The following PIEZO2 variants were observed in gnomAD, a reference collection of about 807,000 sequenced individuals.
PIEZO2 encodes the protein piezo-type mechanosensitive ion channel component 2.
PIEZO2 carries 172 observed loss-of-function variants against 337.3 expected under a neutral mutation model. The observed-to-expected ratio is 0.51, with a 90% CI of 0.45 to 0.58. The LOEUF is 0.58. PIEZO2 is among the 20% of genes least tolerant of loss of function. PIEZO2 has a pLI of 0.00. For missense variants in PIEZO2, 3,028 were observed against 3,391.3 expected (o/e 0.89, Z 2.66); for synonymous variants, 1,251 against 1,228.5 (o/e 1.02, Z -0.38).
In PIEZO2 at chr18:10,676,254, A is replaced by T. The variant is rs186591410; in HGVS notation, c.8082-966T>A. 6.6e-6 allele frequency among the ~76,000 whole-genome samples: 1 copy of T among 152,176 alleles called. No individual in the cohort carries two copies. The highest frequency in any genetic ancestry group is 2.1e-4 in the South Asian group (1 of 4,828). ...CTTCAACTTTAGTGAGTCGCAAAACATATCTCAGTCTGGGAACATTTCTAA... is the reference window on the plus strand; with the variant it reads ...CTTCAACTTTAGTGAGTCGCAAAACTTATCTCAGTCTGGGAACATTTCTAA... On this transcript the variant is annotated intron_variant, in intron 53 of 55. Coordinates refer to ENST00000674853, the MANE Select transcript of PIEZO2 (RefSeq NM_001378183.1). The surrounding 1 kb of genome is among the most constrained non-coding windows in gnomAD (Gnocchi z 5.1).
At chr18:10,902,214 C>T (rs1052857563) in intron 4 of PIEZO2, among the ~76,000 whole-genome samples, 17 of 152,206 alleles carry the variant, frequency 1.1e-4, no homozygotes, top group African/African-American at 2.9e-4. Context: ...TACCCCCATC[C>T]GTGGAAAAAT....
In PIEZO2 at chr18:11,092,499, T is replaced by A. The variant is rs1245961347; in HGVS notation, c.65-26277A>T. Among the ~76,000 whole-genome samples the A allele has an allele frequency of 6.6e-6, 1 of 152,232 alleles. No homozygotes were observed. The highest frequency in any genetic ancestry group is 1.9e-4 in the East Asian group (1 of 5,200). On this transcript the variant is annotated intron_variant, in intron 1 of 55. Transcript: ENST00000674853. This position sits in a 1 kb window ranked among gnomAD's most constrained non-coding sequence, Gnocchi z 4.5. ...TTTAGAAACGATTTGTATTCCGTGGTTACAGATTTTAGTCTATATTTTCTA... is the reference window on the plus strand; with the variant it reads ...TTTAGAAACGATTTGTATTCCGTGGATACAGATTTTAGTCTATATTTTCTA...
chr18:11,001,473 CA>C lies in PIEZO2; in HGVS notation c.161-21814del, dbSNP rs370348399. On this transcript the variant is annotated intron_variant, in intron 2 of 55. Coordinates refer to ENST00000674853, the MANE Select transcript of PIEZO2 (RefSeq NM_001378183.1). This position sits in a 1 kb window ranked among gnomAD's most constrained non-coding sequence, Gnocchi z 5.3. ...TGCTAGAGATGACTTCACTGTCAGA[CA>C]GTGAAAATCACGACTGTGATTATCC... 9.9e-5 allele frequency among the ~76,000 whole-genome samples: 15 copies of C among 152,274 alleles called. No individual in the cohort carries two copies. The highest frequency in any genetic ancestry group is 2.1e-4 in the South Asian group (1 of 4,814).
At chr18:10,908,231 T>A (rs1025843530) in intron 4 of PIEZO2, 2 of 152,310 alleles carry the variant, frequency 1.3e-5, no homozygotes, top group African/African-American at 4.8e-5. Flanking sequence ...CTCTAGGTCT[T>A]CCTTTCAGTA....
At chr18:10,932,652 G>C (rs2032160246) in intron 3 of PIEZO2, among the ~76,000 whole-genome samples, 1 of 152,126 alleles carries the variant, frequency 6.6e-6, no homozygotes, top group African/African-American at 2.4e-5. Flanking sequence ...GCCAGGCGTG[G>C]TGGCTCAAGC....
At chr18:10,998,623 A>C (rs1406891406) in intron 2 of PIEZO2, among the ~76,000 whole-genome samples, 1 of 152,116 alleles carries the variant, frequency 6.6e-6, no homozygotes, top group East Asian at 1.9e-4. Context: ...TTATTTCCAA[A>C]AGTAACCCAG....
intron 2 of PIEZO2, among the ~76,000 whole-genome samples, chr18:11,042,262 C>T (rs1329747749): frequency 3.9e-5 from 6 of 152,188 alleles, no homozygotes; most frequent in Non-Finnish European, 8.8e-5. Context: ...CTCGTCCCCA[C>T]AGTCTCAGGA....
At chr18:10,886,388 A>G (rs371310703) in intron 4 of PIEZO2, among the ~76,000 whole-genome samples, 1 of 36,586 alleles carries the variant, frequency 2.7e-5, no homozygotes, top group East Asian at 9.3e-4. Context: ...GTGTATATAT[A>G]TATATATATA....
intron 20 of PIEZO2, among the ~76,000 whole-genome samples, chr18:10,772,931 G>T (rs997225642): frequency 6.6e-6 from 1 of 152,190 alleles, no homozygotes; most frequent in Non-Finnish European, 1.5e-5. Context: ...TTATCCAATT[G>T]CTGACTTTCT....
Position 10,672,664 on chromosome 18 carries a change from CTG to C in PIEZO2, c.8345+24_8345+25del. ...ATGATACAGAAGTAGACTCTTGTAACTGTGAATTGTTCAATGAGTCCTTACCC... is the reference window on the plus strand; with the variant it reads ...ATGATACAGAAGTAGACTCTTGTAACTGAATTGTTCAATGAGTCCTTACCC... On this transcript the variant is annotated intron_variant, in intron 55 of 55. Coordinates refer to ENST00000674853, the MANE Select transcript of PIEZO2 (RefSeq NM_001378183.1). The surrounding 1 kb of genome is among the most constrained non-coding windows in gnomAD (Gnocchi z 4.7). 6.2e-7 allele frequency: 1 copy of C among 1,601,066 alleles called. No individual in the cohort carries two copies. The highest frequency in any genetic ancestry group is 8.5e-7 in the Non-Finnish European group (1 of 1,176,008).
At position 11,028,650 on chromosome 18, in the gene PIEZO2, G is replaced by A; in HGVS notation, c.160+37477C>T. On this transcript the variant is annotated intron_variant, in intron 2 of 55. Coordinates refer to ENST00000674853, the MANE Select transcript of PIEZO2 (RefSeq NM_001378183.1). This position sits in a 1 kb window ranked among gnomAD's most constrained non-coding sequence, Gnocchi z 4.8. ...CAATGTGTGACTAAGTGGAGTTGAG[G>A]ACAGTAAAACTGTGCAGTATTAGGG... is the stretch of plus-strand genomic sequence containing the variant. 6.6e-6 allele frequency among the ~76,000 whole-genome samples: 1 copy of A among 152,284 alleles called. No individual in the cohort carries two copies. The highest frequency in any genetic ancestry group is 2.1e-4 in the South Asian group (1 of 4,822).
Position 10,699,042 on chromosome 18 carries a change from C to T in PIEZO2, c.6577G>A (p.Val2193Met). ...SLKSINLAAS[V>M]ESVHVTFPEQ... ...GGGAAGGTCACATGCACTGACTCCA[C>T]AGACGCGGCCAGGTTGATGGACTTG... Residue 2193 changes from valine (V) to methionine (M), a missense_variant, in exon 44 of 56, where the codon GTG becomes ATG. Val to Met is a conservative substitution (Grantham distance 21). Around this residue, in one of 5 missense-constraint regions of PIEZO2, gnomAD observed 1,925 missense variants for 2,051.9 expected, o/e 0.94. Coordinates refer to ENST00000674853, the MANE Select transcript of PIEZO2 (RefSeq NM_001378183.1). The T allele has an allele frequency of 1.3e-6, 2 of 1,537,198 alleles. No homozygotes were observed. Among genetic ancestry groups the T allele is most frequent in the Non-Finnish European group, 1.7e-6 (2 of 1,146,920 alleles).
At chr18:10,736,564 C>G (rs1182404149) in intron 34 of PIEZO2, 40 bp downstream of exon 34, 3 of 1,535,732 alleles carry the variant, frequency 2.0e-6, no homozygotes, top group Admixed American at 2.0e-5. Flanking sequence ...ATAAGAAAAG[C>G]TCTTCCAACT....
At chr18:10,733,772 A>G (rs1365217454) in intron 35 of PIEZO2, among the ~76,000 whole-genome samples, 1 of 152,148 alleles carries the variant, frequency 6.6e-6, no homozygotes, top group Non-Finnish European at 1.5e-5. Context: ...CTTACTTTGC[A>G]CCTGCACCTG....
intron 36 of PIEZO2, 38 bp downstream of exon 36, chr18:10,731,369 C>T: frequency 6.9e-7 from 1 of 1,440,996 alleles, no homozygotes; most frequent in Non-Finnish European, 9.4e-7. Context: ...AGCCTGAAAC[C>T]TGCCACACCC....
chr18:10,764,616 A>G (rs1479628457), intron 21 of PIEZO2, among the ~76,000 whole-genome samples: 5 of 151,924 alleles, frequency 3.3e-5, no homozygotes, highest in Non-Finnish European at 5.9e-5. Flanking sequence ...TTAAAAAATT[A>G]TAAAAGAAGA....
At chr18:10,814,030 C>G (rs899750562) in intron 7 of PIEZO2, among the ~76,000 whole-genome samples, 7 of 151,282 alleles carry the variant, frequency 4.6e-5, no homozygotes, top group Admixed American at 4.6e-4. Context: ...TGCAGTGGCT[C>G]AATCTCGGCT....
chr18:11,086,942 T>TC (rs1209643903), intron 1 of PIEZO2, among the ~76,000 whole-genome samples: 1 of 152,172 alleles, frequency 6.6e-6, no homozygotes, highest in Non-Finnish European at 1.5e-5. Flanking sequence ...ATTGGCCAAA[T>TC]CCACCTGCTA....
intron 2 of PIEZO2, among the ~76,000 whole-genome samples, chr18:11,034,799 C>T (rs564624390): frequency 6.6e-5 from 10 of 152,158 alleles, no homozygotes; most frequent in South Asian, 4.1e-4. Flanking sequence ...GAGCCAAGAC[C>T]GCGCCATTGC....
Sources: gnomAD v4.1 joint callset for allele counts (sites outside exome capture counted in the v4.1 genomes callset) on GRCh38, gnomAD v4.1.1 for gene constraint, gnomAD v4.1.1 regional missense constraint, Gnocchi (gnomAD v3.1) non-coding constraint, MANE v1.5 for transcripts, NCBI Gene and HGNC (gene_info 2026-07-23, HGNC 2026-07-21) for gene names.